Variants in OR11A1 observed in about 807,000 individuals in gnomAD.
OR11A1 encodes olfactory receptor 11A1.
For missense variants in OR11A1, 380 were observed against 378.2 expected, an observed-to-expected ratio of 1.00 and a Z score of -0.04; for synonymous variants, 158 against 152.2, an observed-to-expected ratio of 1.04 and a Z score of -0.28.
At chr6:29,443,674 T>C (rs1051234462) in intron 1 of OR11A1, among the ~76,000 whole-genome samples, 1 of 152,224 alleles carries the variant, frequency 6.6e-6, no homozygotes, top group African/African-American at 2.4e-5. Flanking sequence ...AGATGTGAAA[T>C]GGCTGCATCA....
intron 1 of OR11A1, among the ~76,000 whole-genome samples, chr6:29,445,482 C>T (rs2151389171): frequency 6.6e-6 from 1 of 152,294 alleles, no homozygotes; most frequent in African/African-American, 2.4e-5. Context: ...GGAAGACTCA[C>T]CGGCTCACAA....
chr6:29,437,527 A>G (rs1582559509), intron 1 of OR11A1, among the ~76,000 whole-genome samples: 1 of 152,212 alleles, frequency 6.6e-6, no homozygotes. Flanking sequence ...ATGACGTAGG[A>G]TCCAGTCAAA....
chr6:29,448,597 C>G (rs146128869), intron 1 of OR11A1, among the ~76,000 whole-genome samples: 2 of 152,174 alleles, frequency 1.3e-5, no homozygotes, highest in Non-Finnish European at 2.9e-5. Context: ...ACCAAACTGT[C>G]GGCAAAAGCC....
chr6:29,440,275 G>T, intron 1 of OR11A1: 1 of 1,613,972 alleles, frequency 6.2e-7, no homozygotes, highest in South Asian at 1.1e-5. Flanking sequence ...CTCCTTACTG[G>T]CCGGCGCCAC....
At chr6:29,438,765 T>G (rs55969931) in intron 1 of OR11A1, among the ~76,000 whole-genome samples, 5,051 of 151,612 alleles carry the variant, frequency 0.033, 127 homozygotes, top group South Asian at 0.095. Flanking sequence ...CTCAGAGAGC[T>G]TAAAGAGAGA....
chr6:29,427,719 T>C lies in OR11A1; in HGVS notation c.-78A>G, dbSNP rs1782946171. ...GTCTCTGCATCTTCTATACCAAGCC[T>C]AACGTTATTAGAGCTAAAACAAAAC... On this transcript the variant is annotated 5_prime_UTR_variant, in exon 5 of 5. Coordinates refer to ENST00000377149, the MANE Select transcript of OR11A1 (RefSeq NM_001394828.1). 1 of 1,503,624 alleles carries C rather than the reference T, an allele frequency of 6.7e-7. No homozygotes were observed. The allele number at this position is 1,503,624 out of a possible 1,614,324, so 93.1% of individuals were successfully genotyped here.
intron 1 of OR11A1, among the ~76,000 whole-genome samples, chr6:29,456,509 C>CA (rs577912056): frequency 0.029 from 3,533 of 123,526 alleles, 54 homozygotes; most frequent in Non-Finnish European, 0.04. Flanking sequence ...GACTCCGTCT[C>CA]AAAAAAAAAA....
rs970508008 is a variant in OR11A1 at position 29,456,707 on chromosome 6, A to G, written c.-389+280T>C. 6.6e-5 allele frequency among the ~76,000 whole-genome samples: 10 copies of G among 152,194 alleles called. No individual in the cohort carries two copies. The South Asian group carries it at 1.9e-3, about 28-fold the overall frequency. The stretch of plus-strand genomic sequence containing the variant: ...TTCACAACAGCAAAAACTGGAAACC[A>G]CCCCACACTGTTTCTCTATTACAGC... On this transcript the variant is annotated intron_variant, in intron 1 of 4. Coordinates refer to ENST00000377149, the MANE Select transcript of OR11A1 (RefSeq NM_001394828.1).
At chr6:29,437,545 A>ACTGG (rs1783732418) in intron 1 of OR11A1, among the ~76,000 whole-genome samples, 2 of 150,374 alleles carry the variant, frequency 1.3e-5, no homozygotes, top group African/African-American at 5.0e-5. Flanking sequence ...AAAAATCATG[A>ACTGG]ATGACATTTT....
chr6:29,442,009 T>G (rs1582580035), intron 1 of OR11A1, among the ~76,000 whole-genome samples: 1 of 152,130 alleles, frequency 6.6e-6, no homozygotes, highest in East Asian at 1.9e-4. Context: ...ATTCATTGGG[T>G]TTTTGTGAGG....
At chr6:29,440,313 A>G (rs17177632) in intron 1 of OR11A1, 37,076 of 1,613,908 alleles carry the variant, frequency 0.023, 1,168 homozygotes, top group African/African-American at 0.12. Context: ...TGCTCTCCAG[A>G]TGTTCTTCTT....
chr6:29,439,083 G>T (rs1426009603), intron 1 of OR11A1, among the ~76,000 whole-genome samples: 1 of 152,150 alleles, frequency 6.6e-6, no homozygotes, highest in African/African-American at 2.4e-5. Context: ...ATAGTTTTAT[G>T]TTCAGTGTAT....
chr6:29,428,170 A>C (rs1782985408), intron 4 of OR11A1: 3 of 884,586 alleles, frequency 3.4e-6, no homozygotes, highest in Non-Finnish European at 4.1e-6. Flanking sequence ...TCATTATCTC[A>C]ACCGCCCCTT....
intron 4 of OR11A1, chr6:29,428,112 G>T: frequency 2.1e-6 from 1 of 478,584 alleles, no homozygotes; most frequent in Non-Finnish European, 2.8e-6. Flanking sequence ...TCCTCTATGA[G>T]TGGTTTGAGA....
At chr6:29,432,068 T>C in intron 1 of OR11A1, 81 bp from the exon 2 acceptor site, 1 of 890,564 alleles carries the variant, frequency 1.1e-6, no homozygotes, top group Non-Finnish European at 1.3e-6. Flanking sequence ...CCACCCTCCA[T>C]CCCCTTTTCT....
At position 29,427,293 on chromosome 6, in the gene OR11A1, C is replaced by G; in HGVS notation, c.349G>C (p.Ala117Pro). 1 of 1,612,984 alleles carries G rather than the reference C, an allele frequency of 6.2e-7. No individual in the cohort carries two copies. The highest frequency in any genetic ancestry group is 8.5e-7 in the Non-Finnish European group (1 of 1,180,002). ...AGGTAGCGGTCATATGCCATGACAG[C>G]CAGCAGTAAGCATTCAGCTGTGGCT... The part of the protein sequence containing the change: ...SLATAECLLL[A>P]VMAYDRYLAI... The change falls in exon 5 of 5, where the codon GCT becomes CCT. Residue 117 changes from alanine (A) to proline (P), a missense_variant. Coordinates refer to ENST00000377149, the MANE Select transcript of OR11A1 (RefSeq NM_001394828.1).
chr6:29,445,270 G>C (rs1197511655), intron 1 of OR11A1, among the ~76,000 whole-genome samples: 3 of 152,216 alleles, frequency 2.0e-5, no homozygotes, highest in African/African-American at 7.2e-5. Flanking sequence ...CTCCCAAAGA[G>C]CTGGGATTAC....
chr6:29,426,964 C>T lies in OR11A1; in HGVS notation c.678G>A (p.Val226=), dbSNP rs771528669. ...LTSYARIVVA[V]LRVPAGASRR... is the part of the protein sequence containing the mutation. ...TGCTTGCCCCAGCAGGAACTCTCAG[C>T]ACTGCCACCACAATTCTGGCATAAG... The change falls in exon 5 of 5, where the codon GTG becomes GTA. Residue 226 remains valine, a synonymous_variant. Transcript: ENST00000377149. The T allele has an allele frequency of 4.3e-6, 7 of 1,613,034 alleles. No individual in the cohort carries two copies. The East Asian group carries it at 1.6e-4, about 36-fold the overall frequency.
chr6:29,442,136 G>A (rs1784253761), intron 1 of OR11A1, among the ~76,000 whole-genome samples: 1 of 152,158 alleles, frequency 6.6e-6, no homozygotes, highest in Non-Finnish European at 1.5e-5. Flanking sequence ...GCTCACATGG[G>A]GTGACTTTGC....
Sources: gnomAD v4.1 joint callset for allele counts (sites outside exome capture counted in the v4.1 genomes callset) on GRCh38, gnomAD v4.1.1 for gene constraint, MANE v1.5 for transcripts, NCBI Gene and HGNC (gene_info 2026-07-23, HGNC 2026-07-21) for gene names.